CCDC125: variants seen among roughly 807,000 people sequenced by gnomAD.
The protein encoded by CCDC125 is coiled-coil domain containing 125.
Under a neutral mutation model 57.4 loss-of-function variants are expected in CCDC125, and 43 were observed. The ratio of observed to expected loss-of-function variants is 0.75; its 90% CI spans 0.59 to 0.97. The LOEUF (loss-of-function observed/expected upper bound fraction) is 0.97, where lower values mean the gene tolerates loss of function less well. Ranked by LOEUF, CCDC125 falls within the 50% of genes least tolerant of loss-of-function variation. CCDC125 has a pLI of 0.00. For missense variants in CCDC125, 563 were observed against 595.7 expected (o/e 0.95, Z 0.57); for synonymous variants, 187 against 195.2 (o/e 0.96, Z 0.35).
chr5:69,298,422 G>A (rs553534852), intron 8 of CCDC125, among the ~76,000 whole-genome samples: 3 of 152,298 alleles, frequency 2.0e-5, no homozygotes, highest in South Asian at 4.1e-4. Context: ...AGGCCATTTC[G>A]GAACATTCTT....
rs1393994349 is a variant in CCDC125 at position 69,286,225 on chromosome 5, T to TATATATATAA, written c.1100-768_1100-759dup. Among the ~76,000 whole-genome samples the TATATATATAA allele has an allele frequency of 1.3e-3, 141 of 111,390 alleles. 1 individual carries two copies. Among genetic ancestry groups the TATATATATAA allele is most frequent in the African/African-American group, 4.7e-3 (135 of 28,820 alleles). The allele number at this position is 111,390 out of a possible 152,430, so 73.1% of individuals were successfully genotyped here. A position where few individuals can be genotyped will look rare whatever the true frequency, so the allele number is the denominator to read the frequency against. On this transcript the variant is annotated intron_variant, in intron 10 of 11. Coordinates refer to ENST00000396496, the MANE Select transcript of CCDC125 (RefSeq NM_176816.5). ...ATATATATATATATATATATATATA[T>TATATATATAA]ATATATATAATTTTTTTTTTTTTTT...
intron 8 of CCDC125, 128 bp downstream of exon 8, chr5:69,299,884 C>T (rs1756090121): frequency 6.8e-6 from 5 of 736,450 alleles, no homozygotes; most frequent in African/African-American, 3.5e-5. Context: ...GGCCCAGGGG[C>T]GTCTCTCACT....
At position 69,294,843 on chromosome 5, in the gene CCDC125, C is replaced by T; in HGVS notation, c.874G>A (p.Ala292Thr). 1 of 1,614,184 alleles carries T rather than the reference C, an allele frequency of 6.2e-7. No individual in the cohort carries two copies. The highest frequency in any genetic ancestry group is 8.5e-7 in the Non-Finnish European group (1 of 1,180,038). ...TTCCGAGTGGATGCTGCCATTCTGGCACAAGAACAGGGGTTCCCTCCGGGC... is the reference window on the plus strand; with the variant it reads ...TTCCGAGTGGATGCTGCCATTCTGGTACAAGAACAGGGGTTCCCTCCGGGC... ...HGPGGNPCSC[A>T]RMAASTRKLL... The change falls in exon 9 of 12, where the codon GCC becomes ACC. Residue 292 changes from alanine (A) to threonine (T), a missense_variant. Physicochemically the swap from Ala to Thr is moderately conservative, Grantham distance 58. Coordinates refer to ENST00000396496, the MANE Select transcript of CCDC125 (RefSeq NM_176816.5).
intron 1 of CCDC125, 71 bp from the exon 2 acceptor site, chr5:69,320,651 C>T: frequency 1.5e-6 from 1 of 683,134 alleles, no homozygotes; most frequent in Non-Finnish European, 2.5e-6. Flanking sequence ...GATATTTACC[C>T]AAAACATTTG....
At chr5:69,284,791 C>T (rs1171080829) in intron 11 of CCDC125, among the ~76,000 whole-genome samples, 1 of 152,098 alleles carries the variant, frequency 6.6e-6, no homozygotes, top group African/African-American at 2.4e-5. Flanking sequence ...TTGGGCCACA[C>T]ATAAAATACA....
rs376095904 is a variant in CCDC125 at position 69,323,058 on chromosome 5, G to A, written c.-40-2478C>T. The stretch of plus-strand genomic sequence containing the variant: ...GCGGTGGCTCATGCCTGTAATCCCA[G>A]CACTTTCAGAGGCCAAGGTGGGCGG... On this transcript the variant is annotated intron_variant, in intron 1 of 11. Transcript: ENST00000396496. 5.9e-5 allele frequency among the ~76,000 whole-genome samples: 9 copies of A among 151,570 alleles called. No individual in the cohort carries two copies. The East Asian group carries it at 6.0e-4, about 10-fold the overall frequency.
chr5:69,283,174 G>C, intron 11 of CCDC125, 140 bp from the exon 12 acceptor site: 2 of 603,636 alleles, frequency 3.3e-6, no homozygotes, highest in South Asian at 2.5e-5. Context: ...GAATAAATTA[G>C]GTATCACCTG....
chr5:69,289,575 T>C (rs962960349), intron 10 of CCDC125, among the ~76,000 whole-genome samples: 2 of 152,098 alleles, frequency 1.3e-5, no homozygotes, highest in South Asian at 2.1e-4. Flanking sequence ...TTATAAGACA[T>C]TGTTGGCCAG....
intron 5 of CCDC125, 29 bp from the exon 6 acceptor site, chr5:69,306,931 C>A: frequency 2.1e-6 from 3 of 1,455,828 alleles, no homozygotes; most frequent in Non-Finnish European, 2.7e-6. Context: ...ACCTTCATGG[C>A]AAATTACTAC....
At chr5:69,286,994 T>TAAA (rs33957725) in intron 10 of CCDC125, among the ~76,000 whole-genome samples, 5 of 112,764 alleles carry the variant, frequency 4.4e-5, no homozygotes, top group Non-Finnish European at 7.2e-5. Flanking sequence ...GAGTTTAAGA[T>TAAA]AAAAAAAAAA....
chr5:69,327,224 G>A (rs4976160), intron 1 of CCDC125, among the ~76,000 whole-genome samples: 54,111 of 151,230 alleles, frequency 0.36, 10,658 homozygotes, highest in East Asian at 0.5. Context: ...CCTCCTGAGC[G>A]GTTGGGACTA....
intron 8 of CCDC125, among the ~76,000 whole-genome samples, 172 bp from the exon 9 acceptor site, chr5:69,295,072 T>C (rs1486775915): frequency 1.3e-5 from 2 of 152,130 alleles, no homozygotes; most frequent in African/African-American, 2.4e-5. Context: ...GATCTCAGAA[T>C]ACAAATAGAA....
At chr5:69,286,188 CTATATATATA>C (rs59035946) in intron 10 of CCDC125, among the ~76,000 whole-genome samples, 5,781 of 51,276 alleles carry the variant, frequency 0.11, 225 homozygotes, top group South Asian at 0.14. Flanking sequence ...AAATGGTAAA[CTATATATATA>C]TATATATATA....
intron 7 of CCDC125, among the ~76,000 whole-genome samples, chr5:69,300,711 A>G (rs1251745905): frequency 6.6e-6 from 1 of 152,036 alleles, no homozygotes; most frequent in African/African-American, 2.4e-5. Flanking sequence ...CACAGGAGAC[A>G]TCTTTATCAG....
intron 11 of CCDC125, among the ~76,000 whole-genome samples, chr5:69,284,353 T>A (rs892732912): frequency 6.6e-6 from 1 of 152,132 alleles, no homozygotes; most frequent in Non-Finnish European, 1.5e-5. Flanking sequence ...ATAACCTGAG[T>A]CTCAGTGTCT....
At chr5:69,330,973 T>C (rs989899300) in intron 1 of CCDC125, among the ~76,000 whole-genome samples, 3 of 152,002 alleles carry the variant, frequency 2.0e-5, no homozygotes, top group African/African-American at 7.2e-5. Flanking sequence ...CCATGGCATG[T>C]ATAATTGTAG....
chr5:69,316,811 C>A (rs1261901428), intron 2 of CCDC125, among the ~76,000 whole-genome samples: 1 of 151,996 alleles, frequency 6.6e-6, no homozygotes, highest in Non-Finnish European at 1.5e-5. Context: ...CCAGACGTAG[C>A]CTGTTTGGGA....
chr5:69,313,575 C>T, intron 3 of CCDC125: 1 of 739,344 alleles, frequency 1.4e-6, no homozygotes, highest in Non-Finnish European at 2.5e-6. Context: ...AGATAAACAC[C>T]AGGTCCTCCT....
chr5:69,321,451 G>T (rs1760008587), intron 1 of CCDC125, among the ~76,000 whole-genome samples: 1 of 152,204 alleles, frequency 6.6e-6, no homozygotes, highest in South Asian at 2.1e-4. Flanking sequence ...ACACCATAGA[G>T]CATACATACA....
Sources: allele counts gnomAD v4.1 joint callset (sites outside exome capture counted in the v4.1 genomes callset), GRCh38; gene constraint gnomAD v4.1.1; transcripts MANE v1.5; gene names NCBI Gene and HGNC (gene_info 2026-07-23, HGNC 2026-07-21).